DNM2: variants seen among roughly 807,000 people sequenced by gnomAD.
DNM2 encodes dynamin 2.
DNM2 carries 15 observed loss-of-function variants against 99.0 expected under a neutral mutation model. The observed-to-expected ratio is 0.15, with a 90% CI of 0.10 to 0.23. The LOEUF (loss-of-function observed/expected upper bound fraction) is 0.23, where lower values mean the gene tolerates loss of function less well. DNM2 is among the 10% of genes least tolerant of loss of function. The probability of loss-of-function intolerance (pLI) is 1.00; values close to 1 mark genes in which losing one functional copy is unlikely to be tolerated. For synonymous variants in DNM2, 525 were observed against 481.2 expected, an observed-to-expected ratio of 1.09 and a Z score of -1.19; for missense variants, 742 against 1,189.4, an observed-to-expected ratio of 0.62 and a Z score of 5.53.
intron 5 of DNM2, among the ~76,000 whole-genome samples, chr19:10,777,968 G>C (rs994729766): frequency 2.0e-5 from 3 of 151,776 alleles, no homozygotes; most frequent in Non-Finnish European, 4.4e-5. Flanking sequence ...GGCTTCCCCA[G>C]CTTCGGTGGT....
At chr19:10,777,016 C>A (rs1202665651) in intron 4 of DNM2, 102 bp from the exon 5 acceptor site, 1 of 1,123,710 alleles carries the variant, frequency 8.9e-7, no homozygotes, top group East Asian at 2.4e-5. Context: ...GTGATGTGAC[C>A]TGGAAGTTTC....
Position 10,796,315 on chromosome 19 carries a change from C to T in DNM2, c.1196+876C>T, listed in dbSNP as rs1472621315. On this transcript the variant is annotated intron_variant, in intron 9 of 20. Coordinates refer to ENST00000389253, the MANE Select transcript of DNM2 (RefSeq NM_001005361.3). This position sits in a 1 kb window ranked among gnomAD's most constrained non-coding sequence, Gnocchi z 5.6. ...ACTGGTGCCTTTTCTCCCCATATCG[C>T]TTTGTGTCCGTGAACTTGGCCTCTC... 2 of 1,505,492 alleles carry T rather than the reference C, an allele frequency of 1.3e-6. No homozygotes were observed. The highest frequency in any genetic ancestry group is 1.8e-6 in the Non-Finnish European group (2 of 1,091,974). 93.3% of individuals were successfully genotyped at this position (1,505,492 alleles called of 1,614,324 possible).
chr19:10,759,665 C>T, intron 1 of DNM2, 73 bp from the exon 2 acceptor site: 3 of 1,588,138 alleles, frequency 1.9e-6, no homozygotes, highest in Non-Finnish European at 1.7e-6. Context: ...AGTTGCTCCA[C>T]CACATGTGGT....
rs2071900351 is a variant in DNM2, at chr19:10,795,512, C to T, written c.1196+73C>T. On this transcript the variant is annotated intron_variant, in intron 9 of 20. Coordinates refer to ENST00000389253, the MANE Select transcript of DNM2 (RefSeq NM_001005361.3). The surrounding 1 kb of genome is among the most constrained non-coding windows in gnomAD (Gnocchi z 4.2). ...CGACCCCCCAGCTAATTGGGTCACC[C>T]ACACCTCTGAGTCCCTAATCGTTAG... 1.3e-6 allele frequency: 2 copies of T among 1,548,104 alleles called. No homozygotes were observed. The highest frequency in any genetic ancestry group is 1.4e-5 in the African/African-American group (1 of 73,638).
In DNM2 at chr19:10,775,244, G is replaced by A. The variant is rs1267034542; in HGVS notation, c.386-459G>A. On this transcript the variant is annotated intron_variant, in intron 3 of 20. Coordinates refer to ENST00000389253, the MANE Select transcript of DNM2 (RefSeq NM_001005361.3). This position sits in a 1 kb window ranked among gnomAD's most constrained non-coding sequence, Gnocchi z 4.3. Reference sequence around the variant, plus strand: ...GTACAAGTGTGTGCTACCACGCCCAGCTAATTTTTGTATACTTAGTACAGA... The same window carrying A: ...GTACAAGTGTGTGCTACCACGCCCAACTAATTTTTGTATACTTAGTACAGA... 6.6e-6 allele frequency among the ~76,000 whole-genome samples: 1 copy of A among 151,844 alleles called. No homozygotes were observed. The highest frequency in any genetic ancestry group is 2.4e-5 in the African/African-American group (1 of 41,332).
At chr19:10,783,349 C>T (rs780278707) in intron 6 of DNM2, among the ~76,000 whole-genome samples, 1 of 152,184 alleles carries the variant, frequency 6.6e-6, no homozygotes, top group Non-Finnish European at 1.5e-5. Context: ...TGCCTGTAGT[C>T]CCAGGTACTC....
chr19:10,730,915 C>T (rs2069289927), intron 1 of DNM2, among the ~76,000 whole-genome samples: 1 of 152,202 alleles, frequency 6.6e-6, no homozygotes, highest in Admixed American at 6.5e-5. Flanking sequence ...GAACACGCTC[C>T]CATGGCAGAC....
chr19:10,808,470 T>C (rs1445796751), intron 13 of DNM2, 99 bp from the exon 14 acceptor site: 8 of 1,385,480 alleles, frequency 5.8e-6, no homozygotes, highest in Admixed American at 2.3e-5. Flanking sequence ...TTTTGTGCTT[T>C]TCCTGCTTTT....
chr19:10,788,510 A>C (rs2071643608), intron 7 of DNM2, among the ~76,000 whole-genome samples: 1 of 152,146 alleles, frequency 6.6e-6, no homozygotes, highest in South Asian at 2.1e-4. Flanking sequence ...TGAGCGCAGG[A>C]GAGTCAGGAC....
chr19:10,782,126 AG>A (rs1483201986), intron 5 of DNM2, among the ~76,000 whole-genome samples: 1 of 152,008 alleles, frequency 6.6e-6, no homozygotes, highest in Non-Finnish European at 1.5e-5. Context: ...TCGAACTCCC[AG>A]GCTCAGGTGA....
At chr19:10,756,521 G>A (rs1031925276) in intron 1 of DNM2, among the ~76,000 whole-genome samples, 2 of 152,188 alleles carry the variant, frequency 1.3e-5, no homozygotes, top group South Asian at 2.1e-4. Flanking sequence ...TAGAGCTCAG[G>A]CATCAGCTTG....
At chr19:10,737,271 G>C (rs761568365) in intron 1 of DNM2, among the ~76,000 whole-genome samples, 3 of 151,998 alleles carry the variant, frequency 2.0e-5, no homozygotes, top group African/African-American at 7.3e-5. Context: ...TTTTTCACAT[G>C]CTGCTTCCAC....
chr19:10,746,727 G>GT (rs757494612), intron 1 of DNM2, among the ~76,000 whole-genome samples: 61,138 of 114,326 alleles, frequency 0.53, 16,909 homozygotes, highest in African/African-American at 0.6. Flanking sequence ...CTTTTTTTTT[G>GT]TTTTTTGTTT....
rs1345934659 is a variant in DNM2 at position 10,764,911 on chromosome 19, T to TTCCCCGG, written c.235+5108_235+5114dup. On this transcript the variant is annotated intron_variant, in intron 2 of 20. Transcript: ENST00000389253. The surrounding 1 kb of genome is among the most constrained non-coding windows in gnomAD (Gnocchi z 4.1). Reference sequence around the variant, plus strand: ...CGCACCTGGTCACTTGCCGCCTTCGTTCCCCGGTCCCCGGCAGCACGAGTT... The same window carrying TTCCCCGG: ...CGCACCTGGTCACTTGCCGCCTTCGTTCCCCGGTCCCCGGTCCCCGGCAGCACGAGTT... Among the ~76,000 whole-genome samples, 1 of 151,982 alleles carries TTCCCCGG rather than the reference T, an allele frequency of 6.6e-6. No individual in the cohort carries two copies.
At chr19:10,760,843 T>TTTTTTTTTTTTA (rs2070603714) in intron 2 of DNM2, among the ~76,000 whole-genome samples, 1 of 144,720 alleles carries the variant, frequency 6.9e-6, no homozygotes, top group Admixed American at 7.0e-5. Context: ...TTTTTTTTTT[T>TTTTTTTTTTTTA]TGGTAGAGAT....
chr19:10,722,119 CTGT>C (rs962806288), intron 1 of DNM2, among the ~76,000 whole-genome samples: 7 of 152,086 alleles, frequency 4.6e-5, no homozygotes, highest in African/African-American at 7.2e-5. Flanking sequence ...CGCATGGTGG[CTGT>C]TGTTGTAATC....
At chr19:10,761,110 T>C (rs2070615225) in intron 2 of DNM2, among the ~76,000 whole-genome samples, 1 of 152,066 alleles carries the variant, frequency 6.6e-6, no homozygotes, top group Admixed American at 6.6e-5. Context: ...TTCCTCAGCC[T>C]CCTGAGTTGC....
chr19:10,749,066 C>T (rs1424381103), intron 1 of DNM2, among the ~76,000 whole-genome samples: 1 of 152,202 alleles, frequency 6.6e-6, no homozygotes, highest in African/African-American at 2.4e-5. Flanking sequence ...GATCCCAGCC[C>T]AGGGTCCTGG....
chr19:10,798,677 C>T (rs1021696815), intron 11 of DNM2, 105 bp downstream of exon 11: 1 of 1,267,940 alleles, frequency 7.9e-7, no homozygotes. Flanking sequence ...GTAACCCTTA[C>T]CTCAATCAAG....
Sources: allele counts gnomAD v4.1 joint callset (sites outside exome capture counted in the v4.1 genomes callset), GRCh38; gene constraint gnomAD v4.1.1; non-coding constraint Gnocchi (gnomAD v3.1); transcripts MANE v1.5; gene names NCBI Gene and HGNC (gene_info 2026-07-23, HGNC 2026-07-21).